TARS3: variants seen among roughly 807,000 people sequenced by gnomAD.
TARS3 encodes threonine--tRNA ligase 2, cytoplasmic.
Under a neutral mutation model 103.5 loss-of-function variants are expected in TARS3, and 94 were observed. That is an observed-to-expected ratio of 0.91 (90% CI 0.77 to 1.08). The LOEUF is 1.08. Among genes scored for constraint, TARS3 ranks in the 50% least tolerant of loss-of-function variants. The probability of loss-of-function intolerance (pLI) is 0.00; values close to 1 mark genes in which losing one functional copy is unlikely to be tolerated. For synonymous variants in TARS3, 416 were observed against 355.4 expected, an observed-to-expected ratio of 1.17 and a Z score of -1.92; for missense variants, 952 against 995.2, an observed-to-expected ratio of 0.96 and a Z score of 0.58.
chr15:101,679,569 G>A (rs1222176703), intron 12 of TARS3, among the ~76,000 whole-genome samples: 1 of 152,068 alleles, frequency 6.6e-6, no homozygotes, highest in Non-Finnish European at 1.5e-5. Context: ...CATTTTTATG[G>A]TGGTTGCTTT....
chr15:101,708,033 C>G (rs2141439261), intron 6 of TARS3, among the ~76,000 whole-genome samples: 1 of 152,096 alleles, frequency 6.6e-6, no homozygotes, highest in Non-Finnish European at 1.5e-5. Context: ...CACTTGAGGT[C>G]AGGAATTCAA....
At chr15:101,717,310 A>G (rs1900203908) in intron 3 of TARS3, among the ~76,000 whole-genome samples, 3 of 152,258 alleles carry the variant, frequency 2.0e-5, no homozygotes, top group Admixed American at 6.5e-5. Context: ...TCTACAAAAT[A>G]GGGATTATAG....
intron 6 of TARS3, among the ~76,000 whole-genome samples, chr15:101,708,157 G>A (rs1899663499): frequency 7.0e-6 from 1 of 142,474 alleles, no homozygotes; most frequent in East Asian, 2.3e-4. Context: ...CACGAGAATT[G>A]CTTGAATCCA....
chr15:101,721,945 G>T (rs1900487181), intron 2 of TARS3, among the ~76,000 whole-genome samples: 1 of 152,218 alleles, frequency 6.6e-6, no homozygotes, highest in Admixed American at 6.5e-5. Context: ...TAGGCTTTAT[G>T]TTAGAGGATT....
intron 10 of TARS3, among the ~76,000 whole-genome samples, chr15:101,686,547 C>G (rs1183891232): frequency 6.6e-6 from 1 of 152,074 alleles, no homozygotes; most frequent in Non-Finnish European, 1.5e-5. Context: ...GGCCTCTCTC[C>G]CTCCCTACCT....
chr15:101,669,847 A>G lies in TARS3; in HGVS notation c.1967+1639T>C, dbSNP rs1480662556. Among the ~76,000 whole-genome samples the G allele has an allele frequency of 2.0e-5, 3 of 152,218 alleles. No homozygotes were observed. The East Asian group carries it at 5.8e-4, about 29-fold the overall frequency. On this transcript the variant is annotated intron_variant, in intron 15 of 18. Transcript: ENST00000335968. ...AAGGGATAATCAGTGGTCCCATAGA[A>G]CAGAATTTATAATCTAGAAACAGAC...
At chr15:101,661,343 G>A (rs533513150) in intron 16 of TARS3, among the ~76,000 whole-genome samples, 1 of 151,218 alleles carries the variant, frequency 6.6e-6, no homozygotes, top group Non-Finnish European at 1.5e-5. Flanking sequence ...ATGGCTGGAG[G>A]GCAAGAGGTG....
Position 101,701,196 on chromosome 15 carries a change from C to G in TARS3, c.1222-12G>C. ...AAAAGTTCTTGTTCCTAGATTGAAA[C>G]AAAAATTGCATTTCAAATGTCATCT... On this transcript the variant is annotated splice_polypyrimidine_tract_variant and intron_variant, in intron 9 of 18. Coordinates refer to ENST00000335968, the MANE Select transcript of TARS3 (RefSeq NM_152334.3). 2 of 1,547,298 alleles carry G rather than the reference C, an allele frequency of 1.3e-6. No homozygotes were observed. The highest frequency in any genetic ancestry group is 1.8e-6 in the Non-Finnish European group (2 of 1,141,658).
At chr15:101,687,586 C>T (rs1361619840) in intron 10 of TARS3, among the ~76,000 whole-genome samples, 1 of 151,962 alleles carries the variant, frequency 6.6e-6, no homozygotes. Context: ...TAAAGTCTAG[C>T]TCAGGAGATA....
intron 15 of TARS3, among the ~76,000 whole-genome samples, chr15:101,664,686 T>C (rs374683940): frequency 6.6e-6 from 1 of 152,244 alleles, no homozygotes; most frequent in African/African-American, 2.4e-5. Flanking sequence ...CAGCATCTCA[T>C]AACATAATAT....
At chr15:101,681,181 A>C (rs542890835) in intron 12 of TARS3, among the ~76,000 whole-genome samples, 1 of 152,296 alleles carries the variant, frequency 6.6e-6, no homozygotes, top group African/African-American at 2.4e-5. Flanking sequence ...GTAGTTTCTC[A>C]TAATTCTTGA....
intron 5 of TARS3, among the ~76,000 whole-genome samples, chr15:101,709,711 A>G (rs190098491): frequency 8.3e-4 from 127 of 152,310 alleles, no homozygotes; most frequent in Non-Finnish European, 1.4e-3. Flanking sequence ...ATGAGGACAG[A>G]CTGGTTCCTT....
rs1900060528 is a variant in TARS3 at position 101,714,904 on chromosome 15, T to C, written c.626A>G (p.Asp209Gly). The change falls in exon 4 of 19, where the codon GAC (aspartate) becomes GGC (glycine). Residue 209 changes from aspartate to glycine, a missense_variant. Physicochemically the swap from Asp to Gly is moderately conservative, Grantham distance 94. Transcript: ENST00000335968. ...AGAAGAGTCCCCTTCCAATGGGCGG[T>C]CCAGGTCCCACAGTTCACCATTGAC... ...AKVNGELWDL[D>G]RPLEGDSSLE... 6.2e-7 allele frequency: 1 copy of C among 1,613,368 alleles called. No homozygotes were observed. Among genetic ancestry groups the C allele is most frequent in the Admixed American group, 1.7e-5 (1 of 59,982 alleles).
intron 3 of TARS3, among the ~76,000 whole-genome samples, chr15:101,716,884 T>G (rs957082425): frequency 4.5e-5 from 6 of 133,272 alleles, no homozygotes; most frequent in Non-Finnish European, 7.8e-5. Context: ...TGAGACAGGG[T>G]CTCACTCTGT....
At chr15:101,690,971 CT>C (rs1156991798) in intron 10 of TARS3, among the ~76,000 whole-genome samples, 1 of 152,064 alleles carries the variant, frequency 6.6e-6, no homozygotes, top group African/African-American at 2.4e-5. Flanking sequence ...TGGAGTCTCG[CT>C]CTGTCACACA....
rs759493905 is a variant in TARS3 at position 101,703,912 on chromosome 15, T to C, written c.1021A>G (p.Lys341Glu). ...CCAGTGTGTCTTACATGTGGACCTTTGCAAAGGTCAATTAATGGACCGCAC... is the reference window on the plus strand; with the variant it reads ...CCAGTGTGTCTTACATGTGGACCTTCGCAAAGGTCAATTAATGGACCGCAC... ...YRCGPLIDLC[K>E]GPHVRHTGKI... is the part of the protein sequence containing the mutation. Residue 341 changes from lysine (K) to glutamate (E), a missense_variant, in exon 8 of 19, where the codon AAA becomes GAA. Physicochemically the swap from Lys to Glu is moderately conservative, Grantham distance 56 (BLOSUM62 1). This residue lies in a region of TARS3 where 540 missense variants were observed against 631.0 expected (regional missense o/e 0.86). Coordinates refer to ENST00000335968, the MANE Select transcript of TARS3 (RefSeq NM_152334.3). 8.7e-6 allele frequency: 14 copies of C among 1,613,118 alleles called. No homozygotes were observed. Among genetic ancestry groups the C allele is most frequent in the Admixed American group, 1.7e-5 (1 of 59,904 alleles).
chr15:101,682,349 G>C (rs2141404107), intron 12 of TARS3, among the ~76,000 whole-genome samples: 1 of 152,168 alleles, frequency 6.6e-6, no homozygotes, highest in Non-Finnish European at 1.5e-5. Context: ...GTAGAATTTT[G>C]CCAAATACTT....
chr15:101,674,565 GGGA>G (rs1897944870), intron 13 of TARS3, among the ~76,000 whole-genome samples: 1 of 152,202 alleles, frequency 6.6e-6, no homozygotes, highest in South Asian at 2.1e-4. Flanking sequence ...CCAGCACTTT[GGGA>G]GGCCGAGGCA....
chr15:101,660,682 A>G (rs1897343690), intron 16 of TARS3, among the ~76,000 whole-genome samples: 1 of 152,160 alleles, frequency 6.6e-6, no homozygotes, highest in Admixed American at 6.5e-5. Flanking sequence ...ATCCCGGGGG[A>G]TCACAATTAA....
Sources: gnomAD v4.1 joint callset for allele counts (sites outside exome capture counted in the v4.1 genomes callset) on GRCh38, gnomAD v4.1.1 for gene constraint, gnomAD v4.1.1 regional missense constraint, MANE v1.5 for transcripts, NCBI Gene and HGNC (gene_info 2026-07-23, HGNC 2026-07-21) for gene names.